Variants in PSEN2 observed in about 807,000 individuals in gnomAD.
The protein encoded by PSEN2 is presenilin-2.
In PSEN2, 32 loss-of-function variants were observed where a neutral mutation model predicts 49.1. That is an observed-to-expected ratio of 0.65 (90% CI 0.49 to 0.88). The LOEUF is 0.88. PSEN2 is among the 40% of genes least tolerant of loss of function. PSEN2 has a pLI of 0.00. For missense variants in PSEN2, 522 were observed against 586.9 expected (o/e 0.89, Z 1.14); for synonymous variants, 255 against 244.0 (o/e 1.05, Z -0.42).
At chr1:226,891,625 A>C in intron 10 of PSEN2, 118 bp from the exon 11 acceptor site, 1 of 985,382 alleles carries the variant, frequency 1.0e-6, no homozygotes, top group Non-Finnish European at 1.6e-6. Context: ...GCTGGTGCTC[A>C]GGGGGACCCC....
chr1:226,879,306 G>T (rs1660829511), intron 3 of PSEN2, among the ~76,000 whole-genome samples: 3 of 152,204 alleles, frequency 2.0e-5, no homozygotes, highest in Admixed American at 1.3e-4. Flanking sequence ...TATGGATTTT[G>T]CTGGTTCCCA....
At chr1:226,877,792 G>A (rs1405364152) in intron 3 of PSEN2, among the ~76,000 whole-genome samples, 1 of 152,210 alleles carries the variant, frequency 6.6e-6, no homozygotes, top group East Asian at 1.9e-4. Flanking sequence ...TATGAATGAC[G>A]TTTGTGGGTT....
chr1:226,886,643 C>T (rs1252627677), intron 6 of PSEN2, among the ~76,000 whole-genome samples: 1 of 152,220 alleles, frequency 6.6e-6, no homozygotes. Flanking sequence ...GTTCAGGCCG[C>T]TGCCATCCAT....
intron 2 of PSEN2, among the ~76,000 whole-genome samples, chr1:226,872,865 A>G (rs751151404): frequency 1.3e-5 from 2 of 152,164 alleles, no homozygotes; most frequent in Non-Finnish European, 2.9e-5. Context: ...GATGACCATC[A>G]TGTTAATGTC....
At chr1:226,891,657 G>T in intron 10 of PSEN2, 86 bp from the exon 11 acceptor site, 2 of 1,260,642 alleles carry the variant, frequency 1.6e-6, no homozygotes. Flanking sequence ...TTGTTCCCTG[G>T]TAACACTCTG....
chr1:226,891,932 A>C, intron 11 of PSEN2, 88 bp downstream of exon 11: 5 of 1,220,504 alleles, frequency 4.1e-6, no homozygotes, highest in Middle Eastern at 4.4e-4. Context: ...TGGGTGGAGG[A>C]GGGCATGAGG....
chr1:226,879,165 CCATACCCG>C (rs1280233436), intron 3 of PSEN2, among the ~76,000 whole-genome samples: 1 of 152,234 alleles, frequency 6.6e-6, no homozygotes, highest in African/African-American at 2.4e-5. Flanking sequence ...AGCCGAGCCA[CCATACCCG>C]GCCCTTCTCC....
chr1:226,901,129 T>A (rs1366022224), downstream of PSEN2, among the ~76,000 whole-genome samples: 1 of 152,122 alleles, frequency 6.6e-6, no homozygotes, highest in Non-Finnish European at 1.5e-5. Flanking sequence ...CATCTTCCTG[T>A]CGAGGCCACT....
chr1:226,884,192 T>C (rs1424195890), intron 5 of PSEN2, among the ~76,000 whole-genome samples: 1 of 152,194 alleles, frequency 6.6e-6, no homozygotes, highest in African/African-American at 2.4e-5. Flanking sequence ...TGAGTTAATA[T>C]GAGTGAAGGG....
intron 12 of PSEN2, among the ~76,000 whole-genome samples, 182 bp downstream of exon 12, chr1:226,894,307 C>T (rs1042725483): frequency 4.6e-5 from 7 of 152,176 alleles, no homozygotes; most frequent in Non-Finnish European, 8.8e-5. Context: ...GAGGTGTGCT[C>T]GCCCCTAGGT....
chr1:226,889,560 C>T (rs1571962272), intron 8 of PSEN2, among the ~76,000 whole-genome samples: 1 of 152,220 alleles, frequency 6.6e-6, no homozygotes, highest in Non-Finnish European at 1.5e-5. Context: ...CAGGCATGAG[C>T]CACTACACCC....
intron 11 of PSEN2, among the ~76,000 whole-genome samples, chr1:226,892,195 A>G (rs1473097061): frequency 1.3e-5 from 2 of 152,190 alleles, no homozygotes; most frequent in Non-Finnish European, 2.9e-5. Flanking sequence ...GCAGGAGAGC[A>G]TGCCACGGGG....
In PSEN2 at chr1:226,881,935, G is replaced by A. The variant is rs1454228189; in HGVS notation, c.28G>A (p.Glu10Lys). 1 of 1,614,210 alleles carries A rather than the reference G, an allele frequency of 6.2e-7. No homozygotes were observed. Among genetic ancestry groups the A allele is most frequent in the Admixed American group, 1.7e-5 (1 of 60,024 alleles). ...GCTCACATTCATGGCCTCTGACAGC[G>A]AGGAAGAAGTGTGTGATGAGCGGAC... MLTFMASDS[E>K]EEVCDERTSL... The change falls in exon 4 of 13, where the codon GAG becomes AAG. Residue 10 changes from glutamate to lysine, a missense_variant. Coordinates refer to ENST00000366783, the MANE Select transcript of PSEN2 (RefSeq NM_000447.3).
chr1:226,877,167 C>G lies in PSEN2; in HGVS notation c.-21+1617C>G, dbSNP rs144928658. ...TGTTCGGGTGATTATAAAGCAGAGA[C>G]AGTGCCAGGAAAAGTCTGACACTGG... On this transcript the variant is annotated intron_variant, in intron 3 of 12. Coordinates refer to ENST00000366783, the MANE Select transcript of PSEN2 (RefSeq NM_000447.3). Among the ~76,000 whole-genome samples the G allele has an allele frequency of 3.3e-3, 505 of 151,516 alleles. 3 individuals are homozygous for G. The highest frequency in any genetic ancestry group is 0.012 in the African/African-American group (486 of 40,810).
rs967470392 is a variant in PSEN2 at position 226,894,633 on chromosome 1, T to C, written c.1191+508T>C. Reference sequence around the variant, plus strand: ...GCAGTGAAATGTGGAGGCCCTGTAGTCAGTTAACGTGACCAGATACACATA... The same window carrying C: ...GCAGTGAAATGTGGAGGCCCTGTAGCCAGTTAACGTGACCAGATACACATA... On this transcript the variant is annotated intron_variant, in intron 12 of 12. Coordinates refer to ENST00000366783, the MANE Select transcript of PSEN2 (RefSeq NM_000447.3). Among the ~76,000 whole-genome samples the C allele has an allele frequency of 1.1e-4, 16 of 152,260 alleles. No individual in the cohort carries two copies. The East Asian group carries it at 2.5e-3, about 24-fold the overall frequency.
intron 8 of PSEN2, among the ~76,000 whole-genome samples, chr1:226,889,368 C>A (rs1661587903): frequency 6.6e-6 from 1 of 152,166 alleles, no homozygotes; most frequent in Non-Finnish European, 1.5e-5. Flanking sequence ...CCTCCGCCTC[C>A]CGGGTTCAAG....
In PSEN2 at chr1:226,891,600, G is replaced by C. The variant is rs7537037; in HGVS notation, c.971-143G>C. The C allele has an allele frequency of 0.014, 11,755 of 827,754 alleles. 901 individuals carry two copies. The African/African-American group carries it at 0.17, about 12-fold the overall frequency. The allele number at this position is 827,754 out of a possible 1,614,324, so 51.3% of individuals were successfully genotyped here. On this transcript the variant is annotated intron_variant, in intron 10 of 12. Coordinates refer to ENST00000366783, the MANE Select transcript of PSEN2 (RefSeq NM_000447.3). Reference sequence around the variant, plus strand: ...GGCGTGGGTGGGTGGAGTGGGGGAAGCCCTGGTGTCAGGTGCTGGTGCTCA... The same window carrying C: ...GGCGTGGGTGGGTGGAGTGGGGGAACCCCTGGTGTCAGGTGCTGGTGCTCA...
chr1:226,878,583 G>C (rs1660781627), intron 3 of PSEN2, among the ~76,000 whole-genome samples: 1 of 152,170 alleles, frequency 6.6e-6, no homozygotes, highest in Non-Finnish European at 1.5e-5. Context: ...CAGCTGTTGT[G>C]GGTCTGAAGG....
At chr1:226,891,410 C>T (rs1661737144) in intron 10 of PSEN2, 49 bp downstream of exon 10, 1 of 1,483,334 alleles carries the variant, frequency 6.7e-7, no homozygotes, top group African/African-American at 1.4e-5. Context: ...GGGGCAGCTC[C>T]CTACCTGCAC....
Sources: allele counts gnomAD v4.1 joint callset (sites outside exome capture counted in the v4.1 genomes callset), GRCh38; gene constraint gnomAD v4.1.1; transcripts MANE v1.5; gene names NCBI Gene and HGNC (gene_info 2026-07-23, HGNC 2026-07-21).